The following SCARB1 variants were observed in gnomAD, a reference collection of about 807,000 sequenced individuals.
SCARB1 encodes scavenger receptor class B member 1.
Under a neutral mutation model 57.2 loss-of-function variants are expected in SCARB1, and 30 were observed. That is an observed-to-expected ratio of 0.52 (90% CI 0.39 to 0.71). The LOEUF (loss-of-function observed/expected upper bound fraction) is 0.71, where lower values mean the gene tolerates loss of function less well. Among genes scored for constraint, SCARB1 ranks in the 30% least tolerant of loss-of-function variants. SCARB1 has a pLI of 0.00. For synonymous variants in SCARB1, 249 were observed against 268.3 expected (o/e 0.93, Z 0.70); for missense variants, 543 against 671.2 (o/e 0.81, Z 2.11).
At chr12:124,860,922 T>C (rs779881055) in intron 1 of SCARB1, among the ~76,000 whole-genome samples, 1 of 152,162 alleles carries the variant, frequency 6.6e-6, no homozygotes, top group Non-Finnish European at 1.5e-5. Context: ...ATGTTCAAGT[T>C]CACCTACACT....
At position 124,800,826 on chromosome 12, in the gene SCARB1, A is replaced by C. The variant is rs188994618; in HGVS notation, c.1010-584T>G. Among the ~76,000 whole-genome samples the C allele has an allele frequency of 7.5e-3, 1,147 of 152,280 alleles. 24 individuals carry two copies. Among genetic ancestry groups the C allele is most frequent in the Non-Finnish European group, 7.4e-3 (506 of 68,010 alleles). ...GCTCAACCTCGCCACTGACCAACCA[A>C]ACCAGGCAAACACCAGCTCACCCTC... On this transcript the variant is annotated intron_variant, in intron 7 of 12. Transcript: ENST00000261693. The surrounding 1 kb of genome is among the most constrained non-coding windows in gnomAD (Gnocchi z 4.8).
intron 4 of SCARB1, among the ~76,000 whole-genome samples, chr12:124,813,552 C>G (rs1950594114): frequency 6.6e-6 from 1 of 152,198 alleles, no homozygotes; most frequent in African/African-American, 2.4e-5. Context: ...TAATAACTTT[C>G]ATTTGCAAAG....
chr12:124,841,373 CAA>C (rs147734175), intron 1 of SCARB1, among the ~76,000 whole-genome samples: 10 of 87,056 alleles, frequency 1.1e-4, no homozygotes, highest in Admixed American at 6.7e-4. Flanking sequence ...GACTCCGTCT[CAA>C]AAAAAAAAAA....
chr12:124,853,463 C>G (rs1003512377), intron 1 of SCARB1, among the ~76,000 whole-genome samples: 7 of 147,714 alleles, frequency 4.7e-5, no homozygotes, highest in Admixed American at 6.8e-5. Context: ...GGTGCAATCT[C>G]GGCTCACTGC....
intron 1 of SCARB1, among the ~76,000 whole-genome samples, chr12:124,850,656 G>T (rs1594388796): frequency 6.6e-6 from 1 of 152,352 alleles, no homozygotes; most frequent in East Asian, 1.9e-4. Flanking sequence ...GGCAACAAGA[G>T]AGAAACTCCG....
intron 1 of SCARB1, among the ~76,000 whole-genome samples, chr12:124,826,041 A>G (rs1951144202): frequency 6.6e-6 from 1 of 151,754 alleles, no homozygotes; most frequent in Non-Finnish European, 1.5e-5. Context: ...TGCTCTCACC[A>G]CTAAAAACAA....
At chr12:124,806,846 G>A (rs988425652) in intron 7 of SCARB1, among the ~76,000 whole-genome samples, 5 of 152,168 alleles carry the variant, frequency 3.3e-5, no homozygotes, top group African/African-American at 4.8e-5. Flanking sequence ...AGGCTGCAGT[G>A]AGCTATAATC....
At position 124,821,069 on chromosome 12, in the gene SCARB1, C is replaced by A. The variant is rs2135707072; in HGVS notation, c.127-3362G>T. Among the ~76,000 whole-genome samples, 2 of 152,222 alleles carry A rather than the reference C, an allele frequency of 1.3e-5. 1 individual carries two copies. On this transcript the variant is annotated intron_variant, in intron 1 of 12. Coordinates refer to ENST00000261693, the MANE Select transcript of SCARB1 (RefSeq NM_005505.5). The stretch of plus-strand genomic sequence containing the variant: ...ACCAGCCTGAGCATGGAGACTCCAT[C>A]TCTACAAAAAATAGAAAAATCAGCC...
chr12:124,853,356 C>G (rs565956611), intron 1 of SCARB1, among the ~76,000 whole-genome samples: 1 of 149,838 alleles, frequency 6.7e-6, no homozygotes, highest in Non-Finnish European at 1.5e-5. Context: ...AGATTTTATT[C>G]AGCTTCTTGA....
Position 124,817,433 on chromosome 12 carries a change from T to C in SCARB1, c.284+117A>G. 2 of 1,009,136 alleles carry C rather than the reference T, an allele frequency of 2.0e-6. No homozygotes were observed. Among genetic ancestry groups the C allele is most frequent in the Non-Finnish European group, 3.0e-6 (2 of 675,204 alleles). 62.5% of individuals were successfully genotyped at this position (1,009,136 alleles called of 1,614,324 possible). ...GCACTTACCCCGACTATGACTTGCC[T>C]GCTTCCGGAACAATCTCTGGGGCTC... is the stretch of plus-strand genomic sequence containing the variant. On this transcript the variant is annotated intron_variant, in intron 2 of 12. Coordinates refer to ENST00000261693, the MANE Select transcript of SCARB1 (RefSeq NM_005505.5). The surrounding 1 kb of genome is among the most constrained non-coding windows in gnomAD (Gnocchi z 4.8).
At chr12:124,837,715 C>A (rs550695482) in intron 1 of SCARB1, among the ~76,000 whole-genome samples, 1 of 149,140 alleles carries the variant, frequency 6.7e-6, no homozygotes, top group Non-Finnish European at 1.5e-5. Context: ...AGTGAGGACC[C>A]CCCCTACACA....
rs749753105 is a variant in SCARB1, at chr12:124,817,730, G to A, written c.127-23C>T. ...GTTCTGCAGGGGAAGGGACAAGTAC[G>A]CTTGTGAGGAGAGTGATGAGGGCCC... On this transcript the variant is annotated intron_variant, in intron 1 of 12. Coordinates refer to ENST00000261693, the MANE Select transcript of SCARB1 (RefSeq NM_005505.5). This position sits in a 1 kb window ranked among gnomAD's most constrained non-coding sequence, Gnocchi z 4.8. 18 of 1,613,540 alleles carry A rather than the reference G, an allele frequency of 1.1e-5. No individual in the cohort carries two copies. The highest frequency in any genetic ancestry group is 8.0e-5 in the African/African-American group (6 of 74,924).
intron 1 of SCARB1, among the ~76,000 whole-genome samples, chr12:124,818,035 C>G (rs1280736863): frequency 6.6e-6 from 1 of 152,196 alleles, no homozygotes. Flanking sequence ...CGGATGGGCT[C>G]AGGGCAGGGA....
At chr12:124,790,184 G>A (rs1441638645) in intron 9 of SCARB1, among the ~76,000 whole-genome samples, 1 of 151,874 alleles carries the variant, frequency 6.6e-6, no homozygotes, top group African/African-American at 2.4e-5. Context: ...AGACCAGCCT[G>A]GGCAACATAG....
intron 1 of SCARB1, chr12:124,839,648 A>C (rs1951833148): frequency 1.0e-6 from 1 of 985,142 alleles, no homozygotes; most frequent in African/African-American, 1.7e-5. Context: ...CTACATTCCC[A>C]ACGGCACACA....
chr12:124,842,914 A>G (rs575790366), intron 1 of SCARB1, among the ~76,000 whole-genome samples: 1 of 152,364 alleles, frequency 6.6e-6, no homozygotes, highest in South Asian at 2.1e-4. Context: ...GCAGAAAAGC[A>G]TGGGAACCGT....
intron 6 of SCARB1, among the ~76,000 whole-genome samples, chr12:124,808,557 C>T (rs75095215): frequency 0.016 from 2,428 of 152,310 alleles, 75 homozygotes; most frequent in African/African-American, 0.055. Flanking sequence ...GCATCTTCAT[C>T]CACCAGACTT....
intron 1 of SCARB1, among the ~76,000 whole-genome samples, chr12:124,838,134 A>G (rs961002183): frequency 1.3e-5 from 2 of 152,220 alleles, no homozygotes; most frequent in Non-Finnish European, 2.9e-5. Context: ...CATATTGACT[A>G]TCTGTCTCTG....
At chr12:124,834,310 C>T (rs564170451) in intron 1 of SCARB1, among the ~76,000 whole-genome samples, 32 of 152,320 alleles carry the variant, frequency 2.1e-4, no homozygotes, top group Middle Eastern at 3.4e-3. Context: ...CAGGCTGGGC[C>T]GGGACCAGAA....
Sources: allele counts gnomAD v4.1 joint callset (sites outside exome capture counted in the v4.1 genomes callset), GRCh38; gene constraint gnomAD v4.1.1; non-coding constraint Gnocchi (gnomAD v3.1); transcripts MANE v1.5; gene names NCBI Gene and HGNC (gene_info 2026-07-23, HGNC 2026-07-21).